Variants in MYH13 observed in about 807,000 individuals in gnomAD.
The protein encoded by MYH13 is myosin heavy chain 13, also known as myosin-13.
A neutral mutation model predicts 232.1 loss-of-function variants in MYH13; 177 were observed. The observed-to-expected ratio is 0.76, with a 90% CI of 0.67 to 0.86. The LOEUF (loss-of-function observed/expected upper bound fraction) is 0.86, where lower values mean the gene tolerates loss of function less well. Ranked by LOEUF, MYH13 falls within the 40% of genes least tolerant of loss-of-function variation. The probability of loss-of-function intolerance (pLI) is 0.00; values close to 1 mark genes in which losing one functional copy is unlikely to be tolerated. For missense variants in MYH13, 2,246 were observed against 2,405.9 expected, an observed-to-expected ratio of 0.93 and a Z score of 1.39; for synonymous variants, 884 against 923.5, an observed-to-expected ratio of 0.96 and a Z score of 0.78.
Position 10,327,942 on chromosome 17 carries a change from G to T in MYH13, c.2615C>A (p.Ala872Asp). 1 of 1,613,846 alleles carries T rather than the reference G, an allele frequency of 6.2e-7. No homozygotes were observed. The highest frequency in any genetic ancestry group is 8.5e-7 in the Non-Finnish European group (1 of 1,179,934). ...RTKEELARSE[A>D]RRKELEEKMV... is the part of the protein sequence containing the mutation. ...TTTCTCCTCCAGCTCCTTCCGGCGA[G>T]CCTCAGATCGGGCCAGTTCTTCCTT... is the stretch of plus-strand genomic sequence containing the variant. The change falls in exon 22 of 41, where the codon GCT becomes GAT. Residue 872 changes from alanine to aspartate, a missense_variant. Coordinates refer to ENST00000252172, the MANE Select transcript of MYH13 (RefSeq NM_003802.3).
intron 39 of MYH13, among the ~76,000 whole-genome samples, chr17:10,302,946 T>G (rs922203717): frequency 6.6e-6 from 1 of 150,998 alleles, no homozygotes; most frequent in African/African-American, 2.4e-5. Context: ...TGAGTCACGG[T>G]GGGCAGGATG....
chr17:10,351,220 C>CAAAAAAAAAAAAAAAAACAAAAAAA (rs761244522), intron 11 of MYH13, among the ~76,000 whole-genome samples: 1 of 72,716 alleles, frequency 1.4e-5, no homozygotes. Context: ...GACTCCATCT[C>CAAAAAAAAAAAAAAAAACAAAAAAA]AAAAAAAAAA....
rs1280000588 is a variant in MYH13, at chr17:10,304,418, T to C, written c.5467-920A>G. Among the ~76,000 whole-genome samples, 2 of 152,260 alleles carry C rather than the reference T, an allele frequency of 1.3e-5. No individual in the cohort carries two copies. The highest frequency in any genetic ancestry group is 4.8e-5 in the African/African-American group (2 of 41,472). On this transcript the variant is annotated intron_variant, in intron 37 of 40. Transcript: ENST00000252172. This position sits in a 1 kb window ranked among gnomAD's most constrained non-coding sequence, Gnocchi z 5.3. ...CCTCAGGTGCACAGAGCATAGCTGGTGGGTCAGGATTTGCTTAGATGCTCC... is the reference window on the plus strand; with the variant it reads ...CCTCAGGTGCACAGAGCATAGCTGGCGGGTCAGGATTTGCTTAGATGCTCC...
chr17:10,313,414 T>C, intron 29 of MYH13, 60 bp from the exon 30 acceptor site: 1 of 1,609,098 alleles, frequency 6.2e-7, no homozygotes, highest in African/African-American at 1.3e-5. Context: ...AGTTCAGGTA[T>C]TTTCATTTAA....
chr17:10,324,596 T>C (rs959683839), intron 22 of MYH13, among the ~76,000 whole-genome samples: 1 of 151,244 alleles, frequency 6.6e-6, no homozygotes, highest in African/African-American at 2.4e-5. Flanking sequence ...AGGCATGTGC[T>C]ACCATGCCTG....
chr17:10,307,308 A>G (rs1482348041), intron 35 of MYH13, among the ~76,000 whole-genome samples: 2 of 152,232 alleles, frequency 1.3e-5, no homozygotes, highest in Non-Finnish European at 2.9e-5. Flanking sequence ...AGAATTTCAA[A>G]TATTTGAGGA....
intron 18 of MYH13, among the ~76,000 whole-genome samples, chr17:10,335,034 C>T (rs1159891213): frequency 1.3e-5 from 2 of 152,118 alleles, no homozygotes; most frequent in Non-Finnish European, 2.9e-5. Flanking sequence ...ACTAGCTTCG[C>T]GGACTTGGCC....
At chr17:10,313,030 G>C (rs1440517823) in intron 30 of MYH13, 128 bp downstream of exon 30, 30 of 1,447,630 alleles carry the variant, frequency 2.1e-5, no homozygotes, top group Non-Finnish European at 2.6e-5. Flanking sequence ...AGGGTGGGGG[G>C]TACAATCCGA....
At position 10,309,796 on chromosome 17, in the gene MYH13, C is replaced by T. The variant is rs367901073; in HGVS notation, c.4691G>A (p.Arg1564His). The T allele has an allele frequency of 3.1e-6, 5 of 1,594,796 alleles. No individual in the cohort carries two copies. The highest frequency in any genetic ancestry group is 1.3e-5 in the African/African-American group (1 of 74,554). Residue 1564 changes from arginine to histidine, a missense_variant, in exon 34 of 41, where the codon CGC becomes CAC. Physicochemically the swap from Arg to His is conservative, Grantham distance 29 (BLOSUM62 0). Transcript: ENST00000252172. Reference protein sequence around the residue: ...SLEHEESKILRVQLELSQVKS... With the variant: ...SLEHEESKILHVQLELSQVKS... ...CACCTGGCTCAGCTCTAGCTGCACG[C>T]GCAAGATCTTGCTCTCCTCGTGTTC...
chr17:10,331,323 G>A (rs921322377), intron 20 of MYH13, among the ~76,000 whole-genome samples: 2 of 152,152 alleles, frequency 1.3e-5, no homozygotes, highest in African/African-American at 4.8e-5. Context: ...CCTTGCTGGA[G>A]ACCCCCAGCC....
Position 10,309,454 on chromosome 17 carries a change from G to C in MYH13, c.4966-17C>G, listed in dbSNP as rs746601341. On this transcript the variant is annotated splice_polypyrimidine_tract_variant and intron_variant, in intron 34 of 40. Coordinates refer to ENST00000252172, the MANE Select transcript of MYH13 (RefSeq NM_003802.3). Reference sequence around the variant, plus strand: ...CTGGGAGTCCTGCAGGGGAGACCCAGAGTGAGGCCAGAGCCGCCTGGCAGG... The same window carrying C: ...CTGGGAGTCCTGCAGGGGAGACCCACAGTGAGGCCAGAGCCGCCTGGCAGG... 27 of 1,599,812 alleles carry C rather than the reference G, an allele frequency of 1.7e-5. No individual in the cohort carries two copies. The highest frequency in any genetic ancestry group is 8.6e-5 in the Admixed American group (5 of 58,240).
At chr17:10,366,813 T>C (rs796920335) in intron 2 of MYH13, among the ~76,000 whole-genome samples, 20 of 152,366 alleles carry the variant, frequency 1.3e-4, no homozygotes, top group African/African-American at 4.3e-4. Context: ...CTGGCCATTG[T>C]TGAAATATCC....
At chr17:10,327,168 A>AT (rs1420659608) in intron 22 of MYH13, among the ~76,000 whole-genome samples, 10 of 134,932 alleles carry the variant, frequency 7.4e-5, no homozygotes, top group African/African-American at 2.2e-4. Context: ...CGCCCGGCTA[A>AT]TTTTTTGTAT....
chr17:10,346,901 AT>A, intron 12 of MYH13, 103 bp from the exon 13 acceptor site: 1 of 798,692 alleles, frequency 1.3e-6, no homozygotes, highest in African/African-American at 1.7e-5. Flanking sequence ...ATTTTCTTAA[AT>A]GTTTTCATGT....
chr17:10,366,303 A>G (rs953062547), intron 2 of MYH13, among the ~76,000 whole-genome samples: 1 of 151,478 alleles, frequency 6.6e-6, no homozygotes, highest in Admixed American at 6.6e-5. Context: ...TATAACTGAC[A>G]TAAAATGGAG....
chr17:10,350,923 A>C, intron 11 of MYH13: 1 of 561,006 alleles, frequency 1.8e-6, no homozygotes, highest in Non-Finnish European at 3.3e-6. Flanking sequence ...TCCTTCCATC[A>C]AATAAGAACT....
At chr17:10,320,556 T>A in intron 24 of MYH13, 60 bp from the exon 25 acceptor site, 1 of 1,559,530 alleles carries the variant, frequency 6.4e-7, no homozygotes, top group South Asian at 1.2e-5. Flanking sequence ...GCCCCGTTTA[T>A]CCAGTGTAGC....
At chr17:10,345,815 A>C (rs1047316591) in intron 13 of MYH13, among the ~76,000 whole-genome samples, 199 bp from the exon 14 acceptor site, 3 of 152,034 alleles carry the variant, frequency 2.0e-5, no homozygotes, top group African/African-American at 7.2e-5. Flanking sequence ...CAACATGGTG[A>C]AACCCCGTCT....
At chr17:10,326,075 G>C (rs753380573) in intron 22 of MYH13, among the ~76,000 whole-genome samples, 3 of 152,198 alleles carry the variant, frequency 2.0e-5, no homozygotes, top group Non-Finnish European at 4.4e-5. Flanking sequence ...AACATGAGCT[G>C]TGTGCCAGGC....
Sources: gnomAD v4.1 joint callset for allele counts (sites outside exome capture counted in the v4.1 genomes callset) on GRCh38, gnomAD v4.1.1 for gene constraint, Gnocchi (gnomAD v3.1) non-coding constraint, MANE v1.5 for transcripts, NCBI Gene and HGNC (gene_info 2026-07-23, HGNC 2026-07-21) for gene names.